The following AKT3 variants were observed in gnomAD, a reference collection of about 807,000 sequenced individuals.
AKT3 encodes RAC-gamma serine/threonine-protein kinase.
In AKT3, 15 loss-of-function variants were observed where a neutral mutation model predicts 65.3. The observed-to-expected ratio is 0.23, with a 90% CI of 0.15 to 0.35. The LOEUF (loss-of-function observed/expected upper bound fraction) is 0.35. AKT3 is among the 10% of genes least tolerant of loss of function. The pLI is 1.00. For synonymous variants in AKT3, 206 were observed against 183.8 expected (o/e 1.12, Z -0.98); for missense variants, 243 against 576.5 (o/e 0.42, Z 5.92).
intron 2 of AKT3, among the ~76,000 whole-genome samples, chr1:243,838,929 G>A (rs889036998): frequency 3.9e-5 from 6 of 152,062 alleles, no homozygotes; most frequent in Non-Finnish European, 8.8e-5. Flanking sequence ...AAAGTAACAC[G>A]AGCATGGAAC....
intron 12 of AKT3, among the ~76,000 whole-genome samples, chr1:243,520,011 C>T (rs1670611296): frequency 1.3e-5 from 2 of 151,922 alleles, no homozygotes; most frequent in Admixed American, 1.3e-4. Context: ...TTTGAAGTCC[C>T]CTCATATTTA....
At position 243,573,056 on chromosome 1, in the gene AKT3, G is replaced by A. The variant is rs2148507777; in HGVS notation, c.697-8C>T. The A allele has an allele frequency of 4.3e-6, 7 of 1,611,234 alleles. No homozygotes were observed. The highest frequency in any genetic ancestry group is 5.9e-6 in the Non-Finnish European group (7 of 1,179,086). ...CGACAAATGGAAAAACAGCTGCAGG[G>A]TAAACAGCAGGGACAGGATTGTAAT... On this transcript the variant is annotated splice_polypyrimidine_tract_variant and splice_region_variant and intron_variant, in intron 8 of 13. Transcript: ENST00000673466.
At chr1:243,652,817 T>C (rs1412262929) in intron 4 of AKT3, among the ~76,000 whole-genome samples, 2 of 142,048 alleles carry the variant, frequency 1.4e-5, no homozygotes, top group Non-Finnish European at 3.1e-5. Flanking sequence ...TCCTAATCTC[T>C]GATAAAACAG....
At chr1:243,750,408 TACACACACAC>T (rs56210876) in intron 2 of AKT3, among the ~76,000 whole-genome samples, 21 of 149,386 alleles carry the variant, frequency 1.4e-4, no homozygotes, top group East Asian at 4.0e-4. Context: ...CATGCACGTA[TACACACACAC>T]ACACACACAC....
At chr1:243,543,642 T>C (rs1445097325) in intron 12 of AKT3, among the ~76,000 whole-genome samples, 1 of 152,218 alleles carries the variant, frequency 6.6e-6, no homozygotes, top group Non-Finnish European at 1.5e-5. Context: ...ACACAGCTCA[T>C]TAGAGGCATT....
chr1:243,712,017 T>A (rs1257004523), intron 2 of AKT3, among the ~76,000 whole-genome samples: 1 of 152,216 alleles, frequency 6.6e-6, no homozygotes, highest in East Asian at 1.9e-4. Context: ...CAGTCACTCA[T>A]TAATATCCTG....
intron 13 of AKT3, among the ~76,000 whole-genome samples, chr1:243,506,041 G>A (rs1355290946): frequency 6.6e-6 from 1 of 152,230 alleles, no homozygotes; most frequent in African/African-American, 2.4e-5. Flanking sequence ...CAGATGATCA[G>A]CACCCTGTTC....
intron 6 of AKT3, among the ~76,000 whole-genome samples, chr1:243,634,245 T>C (rs900152521): frequency 3.9e-5 from 6 of 152,066 alleles, no homozygotes; most frequent in African/African-American, 1.4e-4. Context: ...TTTTAATTTT[T>C]AATATTTTTA....
chr1:243,622,976 C>T (rs942839416), intron 6 of AKT3, among the ~76,000 whole-genome samples: 6 of 152,106 alleles, frequency 3.9e-5, no homozygotes, highest in African/African-American at 1.4e-4. Context: ...ACACATCAGG[C>T]CTGGGTTGCC....
At chr1:243,657,927 G>A (rs1228397229) in intron 4 of AKT3, among the ~76,000 whole-genome samples, 1 of 152,052 alleles carries the variant, frequency 6.6e-6, no homozygotes, top group Non-Finnish European at 1.5e-5. Context: ...GTATCAACAT[G>A]CAAAAGAACA....
chr1:243,507,464 T>C (rs1212778993), intron 13 of AKT3, among the ~76,000 whole-genome samples: 1 of 152,144 alleles, frequency 6.6e-6, no homozygotes, highest in East Asian at 1.9e-4. Flanking sequence ...GTTGTCAGGC[T>C]TGGAAACAAT....
chr1:243,527,870 AACACACACAC>A (rs56956606), intron 12 of AKT3, among the ~76,000 whole-genome samples: 2,180 of 98,994 alleles, frequency 0.022, 53 homozygotes, highest in Admixed American at 0.033. Context: ...CATCTCTTAA[AACACACACAC>A]ACACACACAC....
intron 2 of AKT3, among the ~76,000 whole-genome samples, chr1:243,742,738 T>C (rs2148182033): frequency 6.6e-6 from 1 of 152,268 alleles, no homozygotes; most frequent in South Asian, 2.1e-4. Context: ...CATTTTCCCA[T>C]CATAAACCGA....
intron 3 of AKT3, among the ~76,000 whole-genome samples, chr1:243,671,098 A>C (rs1421302248): frequency 8.3e-6 from 1 of 119,992 alleles, no homozygotes; most frequent in African/African-American, 3.6e-5. Context: ...TTTTTTTTTG[A>C]GACGGAGTCT....
chr1:243,583,009 AAAAGAC>A (rs1248170852), intron 8 of AKT3, among the ~76,000 whole-genome samples: 1 of 151,526 alleles, frequency 6.6e-6, no homozygotes, highest in Non-Finnish European at 1.5e-5. Flanking sequence ...TTAAAAAAAA[AAAAGAC>A]AAAGAAGAGT....
At chr1:243,685,956 C>T (rs556676473) in intron 3 of AKT3, among the ~76,000 whole-genome samples, 1 of 152,250 alleles carries the variant, frequency 6.6e-6, no homozygotes, top group African/African-American at 2.4e-5. Context: ...TCCTATACAA[C>T]AATAACAGAC....
intron 12 of AKT3, among the ~76,000 whole-genome samples, chr1:243,524,731 T>C (rs141285926): frequency 1.1e-4 from 16 of 152,254 alleles, no homozygotes; most frequent in African/African-American, 3.9e-4. Flanking sequence ...TAAGAACAAA[T>C]ACTCAGTTTC....
chr1:243,829,891 C>T (rs1268885665), intron 2 of AKT3, among the ~76,000 whole-genome samples: 2 of 152,182 alleles, frequency 1.3e-5, no homozygotes, highest in African/African-American at 2.4e-5. Context: ...AAGGCCCCTA[C>T]AGTGACAGAC....
intron 2 of AKT3, among the ~76,000 whole-genome samples, chr1:243,807,175 G>A (rs369667929): frequency 3.3e-5 from 5 of 152,162 alleles, no homozygotes; most frequent in East Asian, 1.9e-4. Context: ...GGGGATTGTC[G>A]GACAGTGGGT....
Sources: gnomAD v4.1 joint callset for allele counts (sites outside exome capture counted in the v4.1 genomes callset) on GRCh38, gnomAD v4.1.1 for gene constraint, MANE v1.5 for transcripts, NCBI Gene and HGNC (gene_info 2026-07-23, HGNC 2026-07-21) for gene names.